TANC2: variants seen among roughly 807,000 people sequenced by gnomAD.
TANC2 encodes the protein protein TANC2.
A neutral mutation model predicts 210.5 loss-of-function variants in TANC2; 26 were observed. The ratio of observed to expected loss-of-function variants is 0.12; its 90% CI spans 0.09 to 0.17. The LOEUF (loss-of-function observed/expected upper bound fraction) is 0.17, where lower values mean the gene tolerates loss of function less well. TANC2 is among the 10% of genes least tolerant of loss of function. TANC2 has a pLI of 1.00. For missense variants in TANC2, 2,129 were observed against 2,608.9 expected (o/e 0.82, Z 4.01); for synonymous variants, 931 against 967.1 (o/e 0.96, Z 0.69).
intron 7 of TANC2, among the ~76,000 whole-genome samples, chr17:63,214,726 C>G (rs1205818139): frequency 6.6e-6 from 1 of 152,178 alleles, no homozygotes; most frequent in African/African-American, 2.4e-5. Context: ...TTAATACTAT[C>G]ACATTGGAGA....
At chr17:63,180,159 G>T (rs1039820282) in intron 5 of TANC2, among the ~76,000 whole-genome samples, 1 of 151,944 alleles carries the variant, frequency 6.6e-6, no homozygotes, top group African/African-American at 2.4e-5. Context: ...AAAAATAATG[G>T]CTTCCCTCTA....
chr17:63,267,209 G>A (rs1366410509), intron 8 of TANC2, among the ~76,000 whole-genome samples: 2 of 152,036 alleles, frequency 1.3e-5, no homozygotes, highest in Non-Finnish European at 1.5e-5. Flanking sequence ...AAACATTTTT[G>A]TAAAATGAAT....
chr17:63,198,376 A>G (rs145770570), intron 6 of TANC2, among the ~76,000 whole-genome samples: 3,141 of 152,064 alleles, frequency 0.021, 40 homozygotes, highest in South Asian at 0.038. Flanking sequence ...TGTATTTTTA[A>G]TAGAGATGGC....
At chr17:63,064,618 T>G (rs538152256) in intron 2 of TANC2, among the ~76,000 whole-genome samples, 123 of 152,326 alleles carry the variant, frequency 8.1e-4, no homozygotes, top group South Asian at 1.7e-3. Context: ...AGAGCCTTTT[T>G]ACAATTTTCC....
At chr17:63,290,433 T>C (rs1042800709) in intron 9 of TANC2, among the ~76,000 whole-genome samples, 2 of 152,176 alleles carry the variant, frequency 1.3e-5, no homozygotes, top group African/African-American at 4.8e-5. Context: ...CCTGGAATTG[T>C]TGAATTTTTA....
chr17:63,195,756 C>T (rs1483424956), intron 6 of TANC2, among the ~76,000 whole-genome samples: 1 of 152,114 alleles, frequency 6.6e-6, no homozygotes, highest in Non-Finnish European at 1.5e-5. Context: ...AATATGAATC[C>T]AGTTCTGTCA....
Position 63,332,513 on chromosome 17 carries a change from A to G in TANC2, c.1576-7588A>G, listed in dbSNP as rs191337248. 578 of 397,310 alleles carry G rather than the reference A, an allele frequency of 1.5e-3. 2 individuals carry two copies. Among genetic ancestry groups the G allele is most frequent in the African/African-American group, 0.011 (539 of 48,362 alleles). The allele number at this position is 397,310 out of a possible 1,614,324, so 24.6% of individuals were successfully genotyped here. ...TTGGGCCTCCTTTGCAATCAGCCCC[A>G]CTGGATTTAGAAATGCCAGCAGCCA... On this transcript the variant is annotated intron_variant, in intron 11 of 27. Coordinates refer to ENST00000689528, the Ensembl canonical transcript of TANC2.
intron 2 of TANC2, among the ~76,000 whole-genome samples, chr17:63,035,368 G>A (rs953083278): frequency 2.0e-5 from 3 of 152,190 alleles, no homozygotes; most frequent in African/African-American, 7.2e-5. Context: ...GGGCAAACAA[G>A]AAATTTGTGT....
chr17:63,236,711 G>A (rs2042630832), intron 7 of TANC2, among the ~76,000 whole-genome samples: 1 of 151,924 alleles, frequency 6.6e-6, no homozygotes, highest in African/African-American at 2.4e-5. Context: ...TTCAATATGT[G>A]CACATTTTTT....
rs71155970 is a variant in TANC2, at chr17:63,141,379, TAAAAAAAAAAAAAAAAAAAAAAAAA to T, written c.323-9877_323-9853del. ...CAACATGCTAAAACCCCGTTTCTAC[TAAAAAAAAAAAAAAAAAAAAAAAAA>T]AAAAAAAAAAAAATTAGCCCGGCAT... is the stretch of plus-strand genomic sequence containing the variant. On this transcript the variant is annotated intron_variant, in intron 4 of 27. Coordinates refer to ENST00000689528, the Ensembl canonical transcript of TANC2. 4.6e-3 allele frequency among the ~76,000 whole-genome samples: 101 copies of T among 21,880 alleles called. 1 individual carries two copies. The highest frequency in any genetic ancestry group is 0.12 in the Middle Eastern group (2 of 16). 14.4% of individuals were successfully genotyped at this position (21,880 alleles called of 152,430 possible). A position where few individuals can be genotyped will look rare whatever the true frequency, so the allele number is the denominator to read the frequency against.
intron 7 of TANC2, among the ~76,000 whole-genome samples, chr17:63,221,840 ATTCTT>A (rs1289643319): frequency 6.6e-6 from 1 of 152,216 alleles, no homozygotes; most frequent in Non-Finnish European, 1.5e-5. Flanking sequence ...CTCCTTAGGC[ATTCTT>A]TTATAAAGTT....
chr17:63,009,318 G>A (rs546810069), intron 1 of TANC2, among the ~76,000 whole-genome samples: 3 of 151,908 alleles, frequency 2.0e-5, no homozygotes, highest in South Asian at 2.1e-4. Context: ...ATATATTTAT[G>A]GGGTACATGA....
exon 28 of TANC2, chr17:63,425,126 G>T (rs912024896): frequency 6.6e-6 from 1 of 152,080 alleles, no homozygotes; most frequent in Admixed American, 6.5e-5. Context: ...TCTTGTCCGG[G>T]TTGCAGACGT....
rs572684807 is a variant in TANC2 at position 63,144,692 on chromosome 17, A to G, written c.323-6578A>G. ...TAAAACATGTACTTCATTTTTTTAT[A>G]CTTACATAGAAGAAATAACTAGAAA... On this transcript the variant is annotated intron_variant, in intron 4 of 27. Coordinates refer to ENST00000689528, the Ensembl canonical transcript of TANC2. 5.0e-4 allele frequency among the ~76,000 whole-genome samples: 76 copies of G among 152,244 alleles called. No homozygotes were observed. The South Asian group carries it at 0.016, about 31-fold the overall frequency.
chr17:63,161,337 G>A (rs1048998238), intron 5 of TANC2, among the ~76,000 whole-genome samples: 3 of 152,134 alleles, frequency 2.0e-5, no homozygotes, highest in African/African-American at 7.2e-5. Flanking sequence ...ACTCCAGCCT[G>A]GGTGACAGAG....
intron 2 of TANC2, among the ~76,000 whole-genome samples, chr17:63,058,504 T>G (rs1468752932): frequency 6.6e-6 from 1 of 152,224 alleles, no homozygotes; most frequent in African/African-American, 2.4e-5. Context: ...CCAGTTCCTA[T>G]GTCCAGAATG....
chr17:63,332,805 A>C (rs1463231346), intron 11 of TANC2, among the ~76,000 whole-genome samples: 1 of 152,172 alleles, frequency 6.6e-6, no homozygotes, highest in African/African-American at 2.4e-5. Context: ...CTTTCAGTTA[A>C]AGCCAATGTT....
chr17:63,202,050 C>T (rs2041551907), intron 7 of TANC2, among the ~76,000 whole-genome samples: 1 of 152,034 alleles, frequency 6.6e-6, no homozygotes, highest in Non-Finnish European at 1.5e-5. Flanking sequence ...TTCTAATGCT[C>T]TTCTTATAGT....
At chr17:62,968,509 C>G (rs1385842480) in intron 1 of TANC2, 1 of 152,174 alleles carries the variant, frequency 6.6e-6, no homozygotes, top group Non-Finnish European at 1.5e-5. Context: ...CCTTGAGAAG[C>G]TGTTGGGGCT....
Sources: gnomAD v4.1 joint callset for allele counts (sites outside exome capture counted in the v4.1 genomes callset) on GRCh38, gnomAD v4.1.1 for gene constraint, MANE v1.5 for transcripts, NCBI Gene and HGNC (gene_info 2026-07-23, HGNC 2026-07-21) for gene names.